INPP5D: variants seen among roughly 807,000 people sequenced by gnomAD.
INPP5D encodes the protein phosphatidylinositol 3,4,5-trisphosphate 5-phosphatase 1.
In INPP5D, 33 loss-of-function variants were observed where a neutral mutation model predicts 122.9. The ratio of observed to expected loss-of-function variants is 0.27; its 90% CI spans 0.20 to 0.36. The LOEUF (loss-of-function observed/expected upper bound fraction) is 0.36, where lower values mean the gene tolerates loss of function less well. INPP5D is among the 10% of genes least tolerant of loss of function. INPP5D has a pLI of 1.00. For synonymous variants in INPP5D, 584 were observed against 576.2 expected, an observed-to-expected ratio of 1.01 and a Z score of -0.19; for missense variants, 1,053 against 1,412.7, an observed-to-expected ratio of 0.75 and a Z score of 4.08.
intron 5 of INPP5D, chr2:233,130,991 C>T (rs768866207): frequency 6.5e-6 from 3 of 459,530 alleles, no homozygotes; most frequent in African/African-American, 2.0e-5. Flanking sequence ...CTGTTTGCTG[C>T]AGCCATTACA....
At chr2:233,121,581 T>A (rs1395012223) in intron 2 of INPP5D, among the ~76,000 whole-genome samples, 1 of 150,888 alleles carries the variant, frequency 6.6e-6, no homozygotes. Flanking sequence ...AGCGGCGCAA[T>A]CTCGGCTCAC....
chr2:233,167,438 G>A (rs1262695049), intron 13 of INPP5D, among the ~76,000 whole-genome samples: 1 of 152,150 alleles, frequency 6.6e-6, no homozygotes, highest in Non-Finnish European at 1.5e-5. Flanking sequence ...AAGAAACAGA[G>A]TCTATGGAGA....
rs558424086 is a variant in INPP5D at position 233,118,609 on chromosome 2, G to A, written c.199-3498G>A. ...CCTGCCTTTGCCTGGTTGGTGCCCC[G>A]CCTTTGCCATCTCCTGTCTGCACTG... On this transcript the variant is annotated intron_variant, in intron 2 of 26. Coordinates refer to ENST00000445964, the MANE Select transcript of INPP5D (RefSeq NM_001017915.3). 7.2e-5 allele frequency among the ~76,000 whole-genome samples: 11 copies of A among 152,316 alleles called. No individual in the cohort carries two copies. The South Asian group carries it at 1.9e-3, about 26-fold the overall frequency.
intron 2 of INPP5D, among the ~76,000 whole-genome samples, chr2:233,112,685 T>A (rs11888199): frequency 0.12 from 18,182 of 152,002 alleles, 2,112 homozygotes; most frequent in African/African-American, 0.31. Flanking sequence ...ATCTTTTTTT[T>A]AAAAAATACC....
intron 2 of INPP5D, among the ~76,000 whole-genome samples, chr2:233,093,273 C>G (rs1182162442): frequency 6.6e-6 from 1 of 152,100 alleles, no homozygotes; most frequent in East Asian, 1.9e-4. Context: ...AAGTAAAATC[C>G]CCTGACATGG....
intron 2 of INPP5D, among the ~76,000 whole-genome samples, chr2:233,103,993 C>T (rs546658079): frequency 7.1e-6 from 1 of 141,372 alleles, no homozygotes; most frequent in East Asian, 2.1e-4. Context: ...TGGTGTGAGC[C>T]ACTGTGCCCT....
At chr2:233,118,335 C>T (rs2106251470) in intron 2 of INPP5D, among the ~76,000 whole-genome samples, 1 of 152,286 alleles carries the variant, frequency 6.6e-6, no homozygotes, top group African/African-American at 2.4e-5. Context: ...GTGGGCTGCT[C>T]CTCTCTGCAC....
chr2:233,112,986 G>A (rs1481915140), intron 2 of INPP5D, among the ~76,000 whole-genome samples: 2 of 152,120 alleles, frequency 1.3e-5, no homozygotes, highest in African/African-American at 4.8e-5. Context: ...TTAAAAGCCC[G>A]AGTTGGCACA....
chr2:233,197,995 G>T lies in INPP5D; in HGVS notation c.2694-100G>T, dbSNP rs1462730823. 2 of 1,420,434 alleles carry T rather than the reference G, an allele frequency of 1.4e-6. No homozygotes were observed. The highest frequency in any genetic ancestry group is 1.8e-6 in the Non-Finnish European group (2 of 1,082,424). 88.0% of individuals were successfully genotyped at this position (1,420,434 alleles called of 1,614,324 possible). ...GAGGTGAAGGAGTTGAGGAGAGCTC[G>T]AGAGAGCCCTAGGGTTATCAGAGGA... On this transcript the variant is annotated intron_variant, in intron 24 of 26. Coordinates refer to ENST00000445964, the MANE Select transcript of INPP5D (RefSeq NM_001017915.3). This position sits in a 1 kb window ranked among gnomAD's most constrained non-coding sequence, Gnocchi z 4.4.
intron 2 of INPP5D, among the ~76,000 whole-genome samples, chr2:233,106,785 C>G (rs527388280): frequency 6.6e-6 from 1 of 152,280 alleles, no homozygotes; most frequent in South Asian, 2.1e-4. Flanking sequence ...AATTGTGGAC[C>G]TGAGTTTCCC....
At chr2:233,124,983 G>C (rs2106258876) in intron 3 of INPP5D, among the ~76,000 whole-genome samples, 1 of 152,382 alleles carries the variant, frequency 6.6e-6, no homozygotes, top group Non-Finnish European at 1.5e-5. Context: ...GAAGTGAAGG[G>C]CCTGTTCTCT....
At chr2:233,167,296 G>T (rs1193162394) in intron 13 of INPP5D, among the ~76,000 whole-genome samples, 3 of 151,734 alleles carry the variant, frequency 2.0e-5, no homozygotes, top group African/African-American at 7.3e-5. Context: ...ACTTAAATCT[G>T]GGAGGTCAAG....
chr2:233,074,569 G>A (rs1390896308), intron 1 of INPP5D, among the ~76,000 whole-genome samples: 2 of 152,078 alleles, frequency 1.3e-5, no homozygotes, highest in East Asian at 1.9e-4. Context: ...TGTTTCCCAA[G>A]GTTGCCACAC....
chr2:233,068,663 G>T (rs1691295101), intron 1 of INPP5D, among the ~76,000 whole-genome samples: 1 of 152,190 alleles, frequency 6.6e-6, no homozygotes, highest in South Asian at 2.1e-4. Flanking sequence ...CAGAAGCAGA[G>T]GAGTACAGGA....
chr2:233,203,146 G>T (rs1193845241), intron 25 of INPP5D, among the ~76,000 whole-genome samples: 1 of 152,230 alleles, frequency 6.6e-6, no homozygotes, highest in African/African-American at 2.4e-5. Context: ...GGTAGATGGA[G>T]CCTCTTGAGC....
At chr2:233,198,506 TG>T (rs750116882) in intron 25 of INPP5D, 130 bp downstream of exon 25, 8 of 1,396,494 alleles carry the variant, frequency 5.7e-6, no homozygotes, top group Non-Finnish European at 7.5e-6. Context: ...GACTTATCCC[TG>T]GGGCCTGAAC....
intron 2 of INPP5D, among the ~76,000 whole-genome samples, chr2:233,098,863 T>C (rs931770307): frequency 6.6e-6 from 1 of 152,230 alleles, no homozygotes; most frequent in Non-Finnish European, 1.5e-5. Flanking sequence ...AGCTTCACAA[T>C]GTATTTGCCA....
intron 10 of INPP5D, among the ~76,000 whole-genome samples, chr2:233,159,172 G>C (rs1694133193): frequency 6.6e-6 from 1 of 152,170 alleles, no homozygotes; most frequent in Non-Finnish European, 1.5e-5. Flanking sequence ...TGCCAGGATG[G>C]GTTCCTGGGG....
At chr2:233,202,875 GC>G (rs1190904938) in intron 25 of INPP5D, among the ~76,000 whole-genome samples, 1 of 152,204 alleles carries the variant, frequency 6.6e-6, no homozygotes, top group Non-Finnish European at 1.5e-5. Flanking sequence ...AGCTTCCCCT[GC>G]CCATGAGTTG....
Sources: allele counts gnomAD v4.1 joint callset (sites outside exome capture counted in the v4.1 genomes callset), GRCh38; gene constraint gnomAD v4.1.1; non-coding constraint Gnocchi (gnomAD v3.1); transcripts MANE v1.5; gene names NCBI Gene and HGNC (gene_info 2026-07-23, HGNC 2026-07-21).